The following EFCAB6 variants were observed in gnomAD, a reference collection of about 807,000 sequenced individuals.
The protein encoded by EFCAB6 is EF-hand calcium-binding domain-containing protein 6.
In EFCAB6, 156 loss-of-function variants were observed where a neutral mutation model predicts 169.8. The observed-to-expected ratio is 0.92, with a 90% CI of 0.81 to 1.05. The LOEUF (loss-of-function observed/expected upper bound fraction) is 1.05, where lower values mean the gene tolerates loss of function less well. Among genes scored for constraint, EFCAB6 ranks in the 50% least tolerant of loss-of-function variants. EFCAB6 has a pLI of 0.00. For missense variants in EFCAB6, 1,800 were observed against 1,829.1 expected (o/e 0.98, Z 0.29); for synonymous variants, 698 against 676.4 (o/e 1.03, Z -0.50).
At chr22:43,670,880 A>AGCAGCG (rs2057460715) in intron 15 of EFCAB6, among the ~76,000 whole-genome samples, 1 of 152,270 alleles carries the variant, frequency 6.6e-6, no homozygotes, top group Non-Finnish European at 1.5e-5. Context: ...CAGCAGCAGC[A>AGCAGCG]GCAGCGGCAG....
At chr22:43,719,643 C>A (rs553357001) in intron 8 of EFCAB6, among the ~76,000 whole-genome samples, 5 of 152,118 alleles carry the variant, frequency 3.3e-5, no homozygotes, top group African/African-American at 2.4e-5. Flanking sequence ...TATTTTCCCC[C>A]AAAAAATTTG....
At chr22:43,771,325 G>A (rs1163339719) in intron 4 of EFCAB6, among the ~76,000 whole-genome samples, 1 of 152,124 alleles carries the variant, frequency 6.6e-6, no homozygotes, top group Non-Finnish European at 1.5e-5. Context: ...CACTATTCGG[G>A]AGGCTGAGGC....
At chr22:43,679,932 T>G (rs2057937077) in intron 12 of EFCAB6, among the ~76,000 whole-genome samples, 1 of 152,208 alleles carries the variant, frequency 6.6e-6, no homozygotes, top group African/African-American at 2.4e-5. Flanking sequence ...GTCTGTGGCT[T>G]GTCTTTTCAC....
At position 43,718,258 on chromosome 22, in the gene EFCAB6, T is replaced by C. The variant is rs374916025; in HGVS notation, c.758-1286A>G. On this transcript the variant is annotated intron_variant, in intron 8 of 31. Transcript: ENST00000262726. ...AAAAGAGAATGAAATAAATCTAAAA[T>C]ATAGCCATTTTCTTTCTCAAAGTTG... Among the ~76,000 whole-genome samples the C allele has an allele frequency of 5.8e-4, 88 of 152,346 alleles. 1 individual carries two copies. The highest frequency in any genetic ancestry group is 1.0e-3 in the South Asian group (5 of 4,832).
At chr22:43,781,525 T>TA (rs1230019951) in intron 3 of EFCAB6, among the ~76,000 whole-genome samples, 2 of 152,098 alleles carry the variant, frequency 1.3e-5, no homozygotes, top group Non-Finnish European at 2.9e-5. Flanking sequence ...GACAAGGTCT[T>TA]ACTATGTTGC....
At chr22:43,789,506 C>A (rs1299170700) in intron 2 of EFCAB6, among the ~76,000 whole-genome samples, 1 of 152,146 alleles carries the variant, frequency 6.6e-6, no homozygotes, top group Non-Finnish European at 1.5e-5. Flanking sequence ...AGCAAGACAT[C>A]CAGATGTATC....
At chr22:43,765,260 T>A in intron 5 of EFCAB6, 45 bp downstream of exon 5, 5 of 1,472,088 alleles carry the variant, frequency 3.4e-6, no homozygotes, top group Non-Finnish European at 4.7e-6. Flanking sequence ...CTCTTACTCA[T>A]CATTTCAAAT....
chr22:43,809,786 A>T (rs2063044207), intron 1 of EFCAB6, among the ~76,000 whole-genome samples: 1 of 152,016 alleles, frequency 6.6e-6, no homozygotes, highest in South Asian at 2.1e-4. Flanking sequence ...TTTTTGTATT[A>T]GTAGAGATAG....
rs892328916 is a variant in EFCAB6, at chr22:43,744,956, T to A, written c.508-8963A>T. Among the ~76,000 whole-genome samples the A allele has an allele frequency of 2.0e-5, 3 of 152,188 alleles. No individual in the cohort carries two copies. Among genetic ancestry groups the A allele is most frequent in the African/African-American group, 7.2e-5 (3 of 41,454 alleles). ...ACTTGAGGTTTAAACTGAACTCGCC[T>A]GCACTGGACCTGTTTAGACCTAAAT... On this transcript the variant is annotated intron_variant, in intron 6 of 31. Coordinates refer to ENST00000262726, the MANE Select transcript of EFCAB6 (RefSeq NM_022785.4). This position sits in a 1 kb window ranked among gnomAD's most constrained non-coding sequence, Gnocchi z 4.3.
chr22:43,727,794 A>G (rs990855573), intron 8 of EFCAB6, among the ~76,000 whole-genome samples: 1 of 152,220 alleles, frequency 6.6e-6, no homozygotes, highest in African/African-American at 2.4e-5. Flanking sequence ...GATAATTTAT[A>G]AAGAAAAGAG....
At chr22:43,646,022 G>A (rs1028578388) in intron 17 of EFCAB6, among the ~76,000 whole-genome samples, 5 of 152,186 alleles carry the variant, frequency 3.3e-5, no homozygotes, top group Admixed American at 2.0e-4. Flanking sequence ...AAATCTCAGC[G>A]TGTTCTGCGG....
chr22:43,566,938 G>A (rs2049476966), intron 26 of EFCAB6, among the ~76,000 whole-genome samples: 1 of 152,270 alleles, frequency 6.6e-6, no homozygotes, highest in East Asian at 1.9e-4. Flanking sequence ...CATGCCCAAA[G>A]TGTGGTGCCC....
At chr22:43,804,415 C>G (rs1337181831) in intron 2 of EFCAB6, among the ~76,000 whole-genome samples, 1 of 151,966 alleles carries the variant, frequency 6.6e-6, no homozygotes, top group Non-Finnish European at 1.5e-5. Context: ...CTTCAAGGAG[C>G]TAGAAAAGCC....
chr22:43,692,574 G>T (rs186456057), intron 10 of EFCAB6, among the ~76,000 whole-genome samples: 229 of 152,100 alleles, frequency 1.5e-3, no homozygotes, highest in African/African-American at 5.4e-3. Context: ...TTCTAGAAAA[G>T]AAAAATATAC....
At chr22:43,750,832 T>C (rs1188202435) in intron 6 of EFCAB6, among the ~76,000 whole-genome samples, 1 of 152,242 alleles carries the variant, frequency 6.6e-6, no homozygotes, top group Non-Finnish European at 1.5e-5. Context: ...CCACCACTTT[T>C]GTCTCTTCTT....
chr22:43,625,456 C>T (rs1272298002), intron 20 of EFCAB6, among the ~76,000 whole-genome samples: 2 of 152,210 alleles, frequency 1.3e-5, no homozygotes, highest in African/African-American at 4.8e-5. Flanking sequence ...CGGCTCTCGG[C>T]AGATCTCAGC....
chr22:43,669,110 G>C, intron 15 of EFCAB6, 65 bp from the exon 16 acceptor site: 1 of 1,391,760 alleles, frequency 7.2e-7, no homozygotes. Context: ...GACTGACCCT[G>C]CCAAGGGTTG....
chr22:43,620,643 C>T (rs1432492165), intron 20 of EFCAB6, among the ~76,000 whole-genome samples: 1 of 152,086 alleles, frequency 6.6e-6, no homozygotes, highest in Non-Finnish European at 1.5e-5. Context: ...CTTAGAACTT[C>T]AGAAAGAGAG....
At chr22:43,559,075 G>C (rs1408617392) in intron 26 of EFCAB6, among the ~76,000 whole-genome samples, 2 of 152,108 alleles carry the variant, frequency 1.3e-5, no homozygotes, top group African/African-American at 4.8e-5. Flanking sequence ...AGAGTGAACA[G>C]GCAACCTACA....
Sources: gnomAD v4.1 joint callset for allele counts (sites outside exome capture counted in the v4.1 genomes callset) on GRCh38, gnomAD v4.1.1 for gene constraint, Gnocchi (gnomAD v3.1) non-coding constraint, MANE v1.5 for transcripts, NCBI Gene and HGNC (gene_info 2026-07-23, HGNC 2026-07-21) for gene names.